The following PTK2 variants were observed in gnomAD, a reference collection of about 807,000 sequenced individuals.
The protein encoded by PTK2 is protein tyrosine kinase 2.
In PTK2, 45 loss-of-function variants were observed where a neutral mutation model predicts 150.1. The observed-to-expected ratio is 0.30, with a 90% CI of 0.24 to 0.38. The LOEUF (loss-of-function observed/expected upper bound fraction) is 0.38, where lower values mean the gene tolerates loss of function less well. Ranked by LOEUF, PTK2 falls within the 10% of genes least tolerant of loss-of-function variation. The probability of loss-of-function intolerance (pLI) is 1.00; values close to 1 mark genes in which losing one functional copy is unlikely to be tolerated. For synonymous variants in PTK2, 432 were observed against 449.2 expected (o/e 0.96, Z 0.48); for missense variants, 919 against 1,307.3 (o/e 0.70, Z 4.58).
chr8:141,000,769 C>A (rs1433215369), intron 1 of PTK2: 19 of 151,038 alleles, frequency 1.3e-4, no homozygotes, highest in African/African-American at 4.4e-4. Flanking sequence ...CCCCAAAACC[C>A]CCGACCTCCT....
chr8:140,768,405 A>G (rs1477864513), intron 14 of PTK2, among the ~76,000 whole-genome samples: 2 of 152,230 alleles, frequency 1.3e-5, no homozygotes, highest in Non-Finnish European at 2.9e-5. Flanking sequence ...ACATTTATCT[A>G]AATTTTGATG....
intron 27 of PTK2, among the ~76,000 whole-genome samples, chr8:140,685,402 T>TA (rs1406039937): frequency 6.6e-6 from 1 of 152,166 alleles, no homozygotes; most frequent in Non-Finnish European, 1.5e-5. Flanking sequence ...GGGACCTAAT[T>TA]AAACTAAAGA....
chr8:140,662,548 AC>A (rs1043754560), intron 31 of PTK2: 5 of 401,684 alleles, frequency 1.2e-5, no homozygotes, highest in Non-Finnish European at 2.2e-5. Flanking sequence ...AAGTGAGAGA[AC>A]CCCATTTGGT....
At chr8:140,930,308 C>G (rs1216628370) in intron 1 of PTK2, among the ~76,000 whole-genome samples, 1 of 152,080 alleles carries the variant, frequency 6.6e-6, no homozygotes, top group Non-Finnish European at 1.5e-5. Context: ...AAAAATAAGG[C>G]AGCTCCCAGT....
At chr8:140,800,069 T>C (rs762683032) in intron 12 of PTK2, among the ~76,000 whole-genome samples, 36 of 152,358 alleles carry the variant, frequency 2.4e-4, no homozygotes, top group Middle Eastern at 3.4e-3. Context: ...TTTTGAGATA[T>C]ATAAGAAAAA....
chr8:140,978,930 TA>T (rs1257174427), intron 1 of PTK2, among the ~76,000 whole-genome samples: 2 of 151,392 alleles, frequency 1.3e-5, no homozygotes, highest in African/African-American at 4.9e-5. Context: ...TATGCAGCCA[TA>T]AAAAAGGATG....
chr8:140,702,667 G>C, exon 25 of PTK2: 2 of 1,614,006 alleles, frequency 1.2e-6, no homozygotes. Context: ...GATGCTGCCA[G>C]CCATGGCTGT....
At chr8:140,763,855 G>A (rs1173249674) in intron 15 of PTK2, among the ~76,000 whole-genome samples, 1 of 152,050 alleles carries the variant, frequency 6.6e-6, no homozygotes, top group Non-Finnish European at 1.5e-5. Context: ...GTGTATGTAT[G>A]TGTATTATAC....
intron 29 of PTK2, among the ~76,000 whole-genome samples, chr8:140,672,703 G>A (rs1396574100): frequency 3.3e-5 from 5 of 152,164 alleles, no homozygotes; most frequent in Non-Finnish European, 7.3e-5. Context: ...ATCCCTCTGG[G>A]CCTGGAGATG....
At chr8:140,684,167 T>C (rs1418620349) in intron 27 of PTK2, among the ~76,000 whole-genome samples, 1 of 152,198 alleles carries the variant, frequency 6.6e-6, no homozygotes, top group Non-Finnish European at 1.5e-5. Context: ...CCCAATCATT[T>C]TGGCACCAGG....
chr8:140,757,267 C>A (rs536887898), intron 16 of PTK2, among the ~76,000 whole-genome samples: 1 of 152,078 alleles, frequency 6.6e-6, no homozygotes, highest in Admixed American at 6.5e-5. Context: ...AGAGCCAGAT[C>A]TAAATTTGTC....
intron 2 of PTK2, among the ~76,000 whole-genome samples, chr8:140,897,758 G>A (rs1251061224): frequency 6.6e-6 from 1 of 152,112 alleles, no homozygotes; most frequent in Non-Finnish European, 1.5e-5. Flanking sequence ...TTCTGTATTT[G>A]CTTCTGATCC....
At chr8:140,747,732 A>G in intron 17 of PTK2, among the ~76,000 whole-genome samples, 1 of 56,072 alleles carries the variant, frequency 1.8e-5, no homozygotes, top group Non-Finnish European at 3.2e-5. Flanking sequence ...AGGGGGAGGA[A>G]GGAAGTAGGA....
intron 19 of PTK2, 23 bp from the exon 23 acceptor site, chr8:140,743,353 A>T: frequency 6.3e-7 from 1 of 1,580,398 alleles, no homozygotes. Context: ...AATTTGAGAC[A>T]ATAAGACTTA....
intron 11 of PTK2, 45 bp from the exon 12 acceptor site, chr8:140,800,621 A>C (rs1037204351): frequency 3.4e-6 from 5 of 1,466,302 alleles, no homozygotes; most frequent in Non-Finnish European, 4.8e-6. Flanking sequence ...TGTTCTTCCC[A>C]GTAAGCAAAG....
intron 22 of PTK2, among the ~76,000 whole-genome samples, chr8:140,719,095 G>T (rs2100041359): frequency 6.6e-6 from 1 of 152,070 alleles, no homozygotes; most frequent in Non-Finnish European, 1.5e-5. Context: ...AGAATCCCTT[G>T]AACCCAGGAG....
intron 3 of PTK2, among the ~76,000 whole-genome samples, chr8:140,886,171 T>C (rs921265545): frequency 1.3e-5 from 2 of 152,136 alleles, no homozygotes; most frequent in Non-Finnish European, 2.9e-5. Flanking sequence ...TAAAAGACGA[T>C]TGCAAATGGA....
chr8:140,659,717 T>A (rs1563729004), intron 31 of PTK2, 39 bp from the exon 36 acceptor site: 3 of 1,477,208 alleles, frequency 2.0e-6, no homozygotes, highest in South Asian at 2.4e-5. Context: ...CTGTTTTCAG[T>A]GATTTTTTTT....
At chr8:140,674,436 T>A in intron 28 of PTK2, 32 bp from the exon 32 acceptor site, 1 of 1,543,304 alleles carries the variant, frequency 6.5e-7, no homozygotes, top group Non-Finnish European at 8.8e-7. Flanking sequence ...CATTAAGTCA[T>A]GTGCGTTAAG....
Sources: allele counts gnomAD v4.1 joint callset (sites outside exome capture counted in the v4.1 genomes callset), GRCh38; gene constraint gnomAD v4.1.1; transcripts MANE v1.5; gene names NCBI Gene and HGNC (gene_info 2026-07-23, HGNC 2026-07-21).